PRKCH: variants seen among roughly 807,000 people sequenced by gnomAD.
PRKCH encodes protein kinase C eta.
In PRKCH, 28 loss-of-function variants were observed where a neutral mutation model predicts 82.5. That is an observed-to-expected ratio of 0.34 (90% CI 0.25 to 0.47). The LOEUF (loss-of-function observed/expected upper bound fraction) is 0.47. Among genes scored for constraint, PRKCH ranks in the 20% least tolerant of loss-of-function variants. PRKCH has a pLI of 1.00. For synonymous variants in PRKCH, 322 were observed against 327.4 expected (o/e 0.98, Z 0.18); for missense variants, 705 against 881.8 (o/e 0.80, Z 2.54).
At chr14:61,374,893 G>A (rs759272203) in intron 1 of PRKCH, among the ~76,000 whole-genome samples, 43 of 152,044 alleles carry the variant, frequency 2.8e-4, no homozygotes, top group Non-Finnish European at 4.6e-4. Flanking sequence ...CCTGCAGCTG[G>A]CTTGAATTTC....
chr14:61,354,036 A>G (rs1053142423), intron 1 of PRKCH: 2 of 152,222 alleles, frequency 1.3e-5, no homozygotes, highest in Non-Finnish European at 2.9e-5. Flanking sequence ...AAGGCTATAC[A>G]ATAATTTAAC....
intron 1 of PRKCH, among the ~76,000 whole-genome samples, chr14:61,249,793 G>A (rs1324634833): frequency 6.6e-6 from 1 of 151,336 alleles, no homozygotes; most frequent in African/African-American, 2.4e-5. Context: ...GCTAATTTTT[G>A]TATTTTTAGT....
At chr14:61,223,780 A>T (rs2044673669) in intron 1 of PRKCH, among the ~76,000 whole-genome samples, 1 of 152,170 alleles carries the variant, frequency 6.6e-6, no homozygotes, top group Non-Finnish European at 1.5e-5. Flanking sequence ...CTCAGAGCCA[A>T]ATGGCTTTCT....
intron 1 of PRKCH, among the ~76,000 whole-genome samples, chr14:61,311,758 G>A (rs570896694): frequency 6.0e-4 from 92 of 152,204 alleles, no homozygotes; most frequent in Admixed American, 2.6e-3. Flanking sequence ...TTCGGTTGGT[G>A]CAAAGTAATT....
Position 61,280,736 on chromosome 14 carries a change from TG to T in PRKCH, c.-19+93072del. The T allele has an allele frequency of 1.9e-6, 3 of 1,574,042 alleles. No homozygotes were observed. The highest frequency in any genetic ancestry group is 8.6e-7 in the Non-Finnish European group (1 of 1,165,636). On this transcript the variant is annotated intron_variant, in intron 1 of 3. Transcript: ENST00000555185. The surrounding 1 kb of genome is among the most constrained non-coding windows in gnomAD (Gnocchi z 5.0). ...TCGTTGACAGGGTGGCGCAGCGCGCTGGGGAGTCCGCTCAGCTGCGCGTCGT... is the reference window on the plus strand; with the variant it reads ...TCGTTGACAGGGTGGCGCAGCGCGCTGGGAGTCCGCTCAGCTGCGCGTCGT...
chr14:61,288,052 A>G (rs2045330291), intron 1 of PRKCH, among the ~76,000 whole-genome samples: 4 of 152,222 alleles, frequency 2.6e-5, no homozygotes, highest in African/African-American at 2.4e-5. Context: ...TTGAATAAAT[A>G]TATATTGCTA....
chr14:61,382,673 A>G (rs1233013349), intron 1 of PRKCH, among the ~76,000 whole-genome samples: 1 of 152,156 alleles, frequency 6.6e-6, no homozygotes, highest in East Asian at 1.9e-4. Context: ...CAAGAATTTG[A>G]ATTTTGTCAA....
chr14:61,423,775 C>T (rs1453017395), intron 2 of PRKCH, among the ~76,000 whole-genome samples: 2 of 152,140 alleles, frequency 1.3e-5, no homozygotes, highest in African/African-American at 4.8e-5. Context: ...GCACATTCAG[C>T]AATGTAAAAG....
intron 1 of PRKCH, among the ~76,000 whole-genome samples, chr14:61,188,167 C>A (rs1170524517): frequency 1.3e-5 from 2 of 152,194 alleles, no homozygotes; most frequent in Non-Finnish European, 2.9e-5. Flanking sequence ...TAAAGTATGC[C>A]CTCCATTGGA....
chr14:61,332,813 C>T (rs536066499), intron 1 of PRKCH, among the ~76,000 whole-genome samples: 93 of 152,298 alleles, frequency 6.1e-4, no homozygotes, highest in African/African-American at 1.9e-3. Flanking sequence ...TCTGTCTCTC[C>T]ACCTCTCGTG....
chr14:61,220,455 A>G (rs1428454442), intron 1 of PRKCH, among the ~76,000 whole-genome samples: 1 of 152,270 alleles, frequency 6.6e-6, no homozygotes, highest in Non-Finnish European at 1.5e-5. Flanking sequence ...AGATTTCTCA[A>G]GAAACACAAC....
chr14:61,282,840 A>T (rs978324682), intron 1 of PRKCH, among the ~76,000 whole-genome samples: 1 of 152,198 alleles, frequency 6.6e-6, no homozygotes, highest in Non-Finnish European at 1.5e-5. Context: ...ACTTCTTATC[A>T]TACCCAAAGA....
intron 1 of PRKCH, among the ~76,000 whole-genome samples, chr14:61,256,314 C>T (rs541091813): frequency 5.3e-5 from 8 of 152,234 alleles, no homozygotes; most frequent in South Asian, 2.1e-4. Flanking sequence ...TGTCTCCTGT[C>T]GTGACCTCCT....
intron 1 of PRKCH, among the ~76,000 whole-genome samples, chr14:61,213,181 G>A (rs970913725): frequency 1.3e-5 from 2 of 152,134 alleles, no homozygotes; most frequent in Non-Finnish European, 2.9e-5. Flanking sequence ...TTTTGGATGT[G>A]CGTGTTTGTC....
chr14:61,192,778 G>T (rs1258165726), intron 1 of PRKCH, among the ~76,000 whole-genome samples: 1 of 152,324 alleles, frequency 6.6e-6, no homozygotes, highest in African/African-American at 2.4e-5. Context: ...CAATGGGTTT[G>T]GGGCCACACT....
At chr14:61,442,961 G>A (rs1049364417) in intron 2 of PRKCH, 150 bp from the exon 3 acceptor site, 5 of 700,706 alleles carry the variant, frequency 7.1e-6, no homozygotes, top group Non-Finnish European at 1.1e-5. Context: ...CTGTTAGGAA[G>A]CCATAATGAT....
chr14:61,311,549 G>A (rs1049604236), intron 1 of PRKCH, among the ~76,000 whole-genome samples: 2 of 152,164 alleles, frequency 1.3e-5, no homozygotes, highest in Admixed American at 6.5e-5. Context: ...CTGTTCCAAC[G>A]TCTGCGTGTT....
intron 7 of PRKCH, among the ~76,000 whole-genome samples, chr14:61,453,630 C>A (rs1022616132): frequency 6.9e-6 from 1 of 143,998 alleles, no homozygotes; most frequent in African/African-American, 2.5e-5. Context: ...TTCCTTCCTC[C>A]CTTCCCCTTC....
At position 61,263,847 on chromosome 14, in the gene PRKCH, TTGTGTGTGTGTGTGTGTGTGTG is replaced by T. The variant is rs56280986; in HGVS notation, c.-19+76207_-19+76228del. On this transcript the variant is annotated intron_variant, in intron 1 of 3. Transcript: ENST00000555185. ...AGGAAAAGCATCTGAAGTCAGAGTA[TTGTGTGTGTGTGTGTGTGTGTG>T]TGTGTGTGTGTGTGTGTGTGTGTGT... Among the ~76,000 whole-genome samples, 211 of 144,286 alleles carry T rather than the reference TTGTGTGTGTGTGTGTGTGTGTG, an allele frequency of 1.5e-3. 2 individuals are homozygous for T. Among genetic ancestry groups the T allele is most frequent in the South Asian group, 5.9e-3 (26 of 4,412 alleles). 94.7% of individuals were successfully genotyped at this position (144,286 alleles called of 152,430 possible). A position where few individuals can be genotyped will look rare whatever the true frequency, so the allele number is the denominator to read the frequency against.
Sources: gnomAD v4.1 joint callset for allele counts (sites outside exome capture counted in the v4.1 genomes callset) on GRCh38, gnomAD v4.1.1 for gene constraint, Gnocchi (gnomAD v3.1) non-coding constraint, MANE v1.5 for transcripts, NCBI Gene and HGNC (gene_info 2026-07-23, HGNC 2026-07-21) for gene names.